The following VPS35L variants were observed in gnomAD, a reference collection of about 807,000 sequenced individuals.
The protein encoded by VPS35L is VPS35 endosomal protein-sorting factor-like.
A neutral mutation model predicts 133.0 loss-of-function variants in VPS35L; 83 were observed. The ratio of observed to expected loss-of-function variants is 0.62; its 90% confidence interval spans 0.52 to 0.75. The LOEUF (loss-of-function observed/expected upper bound fraction) is 0.75, where lower values mean the gene tolerates loss of function less well. VPS35L is among the 30% of genes least tolerant of loss of function. The probability of loss-of-function intolerance (pLI) is 0.00; values close to 1 mark genes in which losing one functional copy is unlikely to be tolerated. For missense variants in VPS35L, 1,083 were observed against 1,206.8 expected, an observed-to-expected ratio of 0.90 and a Z score of 1.52; for synonymous variants, 423 against 449.9, an observed-to-expected ratio of 0.94 and a Z score of 0.76.
At chr16:19,656,610 C>T (rs7203033) in intron 26 of VPS35L, among the ~76,000 whole-genome samples, 40,800 of 151,316 alleles carry the variant, frequency 0.27, 10,168 homozygotes, top group African/African-American at 0.66. Flanking sequence ...AAAGTGGAGA[C>T]GATGACAGTG....
At chr16:19,616,305 A>T in intron 13 of VPS35L, 114 bp downstream of exon 13, 2 of 863,634 alleles carry the variant, frequency 2.3e-6, no homozygotes, top group Non-Finnish European at 3.7e-6. Flanking sequence ...TAAATGTGCA[A>T]GCCCTGGAAA....
At chr16:19,672,634 CTTG>C (rs1328352093) in intron 27 of VPS35L, among the ~76,000 whole-genome samples, 2 of 152,122 alleles carry the variant, frequency 1.3e-5, no homozygotes, top group South Asian at 4.1e-4. Context: ...ATGGGGGCCT[CTTG>C]TTGTCCTGCA....
intron 14 of VPS35L, among the ~76,000 whole-genome samples, chr16:19,620,956 A>G (rs1973060018): frequency 6.6e-6 from 1 of 152,202 alleles, no homozygotes; most frequent in Non-Finnish European, 1.5e-5. Flanking sequence ...GTCTCAAAAA[A>G]GAATAAATTA....
intron 8 of VPS35L, among the ~76,000 whole-genome samples, chr16:19,600,278 A>G (rs932973908): frequency 2.0e-5 from 3 of 151,734 alleles, no homozygotes; most frequent in Non-Finnish European, 4.4e-5. Flanking sequence ...AAAAAATCTC[A>G]TAGAGGGAAA....
At chr16:19,591,963 G>C (rs1346099597) in intron 8 of VPS35L, 89 bp downstream of exon 8, 1 of 1,077,228 alleles carries the variant, frequency 9.3e-7, no homozygotes, top group African/African-American at 1.6e-5. Context: ...ATTAGGTTCT[G>C]CTGTGGTTTA....
intron 1 of VPS35L, among the ~76,000 whole-genome samples, chr16:19,563,811 C>G (rs1019243670): frequency 1.3e-5 from 2 of 152,206 alleles, no homozygotes; most frequent in African/African-American, 4.8e-5. Context: ...TCTCTGTGCT[C>G]TCTCCTCTTC....
intron 1 of VPS35L, among the ~76,000 whole-genome samples, chr16:19,558,975 A>AG (rs916738409): frequency 6.4e-5 from 9 of 140,542 alleles, no homozygotes; most frequent in African/African-American, 2.5e-4. Flanking sequence ...TCATTTTAAG[A>AG]GTTTTTTTTA....
At chr16:19,672,228 C>T (rs1469214417) in intron 27 of VPS35L, among the ~76,000 whole-genome samples, 1 of 152,206 alleles carries the variant, frequency 6.6e-6, no homozygotes, top group Non-Finnish European at 1.5e-5. Context: ...CCTGGGATTA[C>T]AGGTGGGATC....
chr16:19,644,928 G>T lies in VPS35L; in HGVS notation c.1908G>T (p.Leu636Phe), dbSNP rs182792252. ...LEDEKRMLSYLINGFIKMVSF... is the reference protein window; with the variant it reads ...LEDEKRMLSYFINGFIKMVSF... ...ATGAGAAAAGAATGCTGTCATATTTGATTAATGGATTTATAAAAATGGTAA... is the reference window on the plus strand; with the variant it reads ...ATGAGAAAAGAATGCTGTCATATTTTATTAATGGATTTATAAAAATGGTAA... The change falls in exon 23 of 31, where the codon TTG (leucine) becomes TTT (phenylalanine). Residue 636 changes from leucine (L) to phenylalanine (F), a missense_variant. Leu to Phe is a conservative substitution (Grantham distance 22). Coordinates refer to ENST00000417362, the MANE Select transcript of VPS35L (RefSeq NM_020314.7). The T allele has an allele frequency of 1.3e-5, 20 of 1,599,284 alleles. No homozygotes were observed. In the Middle Eastern group the frequency reaches 6.6e-4, roughly 53 times the overall value.
chr16:19,614,477 T>C (rs953018896), intron 12 of VPS35L, among the ~76,000 whole-genome samples: 6 of 152,208 alleles, frequency 3.9e-5, no homozygotes, highest in African/African-American at 1.4e-4. Flanking sequence ...AGTGGCACAA[T>C]CTTGCTCACT....
At chr16:19,646,455 G>A (rs997339604) in intron 23 of VPS35L, among the ~76,000 whole-genome samples, 12 of 151,940 alleles carry the variant, frequency 7.9e-5, no homozygotes, top group East Asian at 3.9e-4. Context: ...GATCACCTGC[G>A]GTCAGGTCGA....
In VPS35L at chr16:19,682,366, A is replaced by T. The variant is rs762844205; in HGVS notation, c.2503A>T (p.Thr835Ser). ...TCTCCTCTCCGCCATGAGCCAGGAG[A>T]CGTACCTTTACCACATAGACAAAGG... ...LHLLSAMSQETYLYHIDKVDS... is the reference protein window; with the variant it reads ...LHLLSAMSQESYLYHIDKVDS... Residue 835 changes from threonine to serine, a missense_variant, in exon 28 of 31, where the codon ACG becomes TCG. Thr to Ser is a moderately conservative substitution (Grantham distance 58). Transcript: ENST00000417362. 1.9e-6 allele frequency: 3 copies of T among 1,614,170 alleles called. No individual in the cohort carries two copies. The Admixed American group carries it at 5.0e-5, about 27-fold the overall frequency.
At chr16:19,570,844 T>C (rs1349319766) in intron 3 of VPS35L, among the ~76,000 whole-genome samples, 4 of 7,272 alleles carry the variant, frequency 5.5e-4, no homozygotes, top group African/African-American at 3.7e-3. Context: ...CATATATATA[T>C]ATATATATAT....
rs748602955 is a variant in VPS35L at position 19,581,510 on chromosome 16, G to C, written c.511-15G>C. On this transcript the variant is annotated splice_polypyrimidine_tract_variant and intron_variant, in intron 6 of 30. Coordinates refer to ENST00000417362, the MANE Select transcript of VPS35L (RefSeq NM_020314.7). ...TTTTCCTGCTATGCCTTCACCTTCTGCCTTCTCCCCACAGGGTTCCCAAAA... is the reference window on the plus strand; with the variant it reads ...TTTTCCTGCTATGCCTTCACCTTCTCCCTTCTCCCCACAGGGTTCCCAAAA... The C allele has an allele frequency of 6.4e-7, 1 of 1,567,678 alleles. No individual in the cohort carries two copies. The highest frequency in any genetic ancestry group is 8.7e-7 in the Non-Finnish European group (1 of 1,154,346).
At chr16:19,570,834 CATATATATA>C (rs1427697876) in intron 3 of VPS35L, among the ~76,000 whole-genome samples, 1 of 78,806 alleles carries the variant, frequency 1.3e-5, no homozygotes, top group African/African-American at 3.9e-5. Context: ...TGCTGTGTTT[CATATATATA>C]TATATATATA....
chr16:19,560,822 G>A (rs1489135810), intron 1 of VPS35L, among the ~76,000 whole-genome samples: 1 of 151,192 alleles, frequency 6.6e-6, no homozygotes, highest in Admixed American at 6.6e-5. Flanking sequence ...TTGAAAAGAG[G>A]AAAAGTGTAC....
chr16:19,626,710 C>T (rs1002870760), intron 15 of VPS35L, among the ~76,000 whole-genome samples: 1 of 151,800 alleles, frequency 6.6e-6, no homozygotes, highest in East Asian at 1.9e-4. Flanking sequence ...TTCAGTGAGC[C>T]GAGATCATGA....
intron 1 of VPS35L, among the ~76,000 whole-genome samples, chr16:19,558,536 G>C (rs1055368857): frequency 6.6e-6 from 1 of 152,158 alleles, no homozygotes; most frequent in Admixed American, 6.5e-5. Context: ...TGCTATCCCT[G>C]CTATATTTTG....
chr16:19,556,672 C>A (rs1970866151), intron 1 of VPS35L, among the ~76,000 whole-genome samples: 1 of 152,220 alleles, frequency 6.6e-6, no homozygotes, highest in Non-Finnish European at 1.5e-5. Context: ...TAGAAATAAT[C>A]AGGTACAACC....
Sources: allele counts gnomAD v4.1 joint callset (sites outside exome capture counted in the v4.1 genomes callset), GRCh38; gene constraint gnomAD v4.1.1; transcripts MANE v1.5; gene names NCBI Gene and HGNC (gene_info 2026-07-23, HGNC 2026-07-21).